The following KCNB2 variants were observed in gnomAD, a reference collection of about 807,000 sequenced individuals.
KCNB2 encodes the protein potassium voltage-gated channel subfamily B member 2.
Under a neutral mutation model 61.5 loss-of-function variants are expected in KCNB2, and 15 were observed. The ratio of observed to expected loss-of-function variants is 0.24; its 90% CI spans 0.16 to 0.38. The LOEUF (loss-of-function observed/expected upper bound fraction) is 0.38, where lower values mean the gene tolerates loss of function less well. Among genes scored for constraint, KCNB2 ranks in the 10% least tolerant of loss-of-function variants. The pLI is 1.00. For synonymous variants in KCNB2, 457 were observed against 446.0 expected (o/e 1.02, Z -0.31); for missense variants, 828 against 1,125.2 (o/e 0.74, Z 3.78).
chr8:72,653,314 C>G (rs1004570409), intron 2 of KCNB2, among the ~76,000 whole-genome samples: 28 of 152,192 alleles, frequency 1.8e-4, no homozygotes, highest in African/African-American at 4.3e-4. Context: ...TATTTTTCAC[C>G]TGGCAGGACT....
chr8:72,556,175 G>A (rs775795782), intron 1 of KCNB2, among the ~76,000 whole-genome samples: 32 of 152,034 alleles, frequency 2.1e-4, no homozygotes, highest in African/African-American at 4.3e-4. Context: ...GATGGAAATC[G>A]ATAAGTTCAT....
intron 2 of KCNB2, among the ~76,000 whole-genome samples, chr8:72,624,324 G>A (rs1230508015): frequency 2.6e-5 from 4 of 152,200 alleles, no homozygotes; most frequent in Non-Finnish European, 2.9e-5. Context: ...AAACATCCTC[G>A]AAGAAGAAGC....
chr8:72,772,220 A>G (rs992639233), intron 2 of KCNB2, among the ~76,000 whole-genome samples: 1 of 152,206 alleles, frequency 6.6e-6, no homozygotes, highest in South Asian at 2.1e-4. Flanking sequence ...CTCGATATAC[A>G]GCAGGTCGTA....
chr8:72,799,831 G>T (rs575752689), intron 2 of KCNB2, among the ~76,000 whole-genome samples: 1 of 152,268 alleles, frequency 6.6e-6, no homozygotes, highest in South Asian at 2.1e-4. Flanking sequence ...AGTCAGAAAG[G>T]CTTCTAGGAA....
chr8:72,668,858 G>A (rs548660955), intron 2 of KCNB2, among the ~76,000 whole-genome samples: 2 of 152,200 alleles, frequency 1.3e-5, no homozygotes, highest in South Asian at 2.1e-4. Context: ...TGTGAGACAT[G>A]ATTGTTATTC....
At chr8:72,788,473 C>G (rs1370439124) in intron 2 of KCNB2, among the ~76,000 whole-genome samples, 1 of 152,090 alleles carries the variant, frequency 6.6e-6, no homozygotes, top group East Asian at 1.9e-4. Flanking sequence ...TCCATTTCAC[C>G]TAATTACCCC....
At chr8:72,776,828 C>T (rs905563983) in intron 2 of KCNB2, among the ~76,000 whole-genome samples, 1 of 152,160 alleles carries the variant, frequency 6.6e-6, no homozygotes, top group Admixed American at 6.5e-5. Flanking sequence ...AGAGAGGAGA[C>T]CTTGCTGCCT....
intron 2 of KCNB2, among the ~76,000 whole-genome samples, chr8:72,736,561 C>G (rs1807849248): frequency 1.3e-5 from 2 of 152,054 alleles, no homozygotes; most frequent in Admixed American, 1.3e-4. Context: ...GACAAGATGC[C>G]ATGTTTGAAG....
chr8:72,935,595 G>A (rs768052791), intron 2 of KCNB2, among the ~76,000 whole-genome samples: 18 of 152,140 alleles, frequency 1.2e-4, no homozygotes, highest in Non-Finnish European at 2.2e-4. Flanking sequence ...AAACCAGGTG[G>A]TTAAGAGAGA....
intron 2 of KCNB2, among the ~76,000 whole-genome samples, chr8:72,613,150 A>G (rs1461465147): frequency 6.6e-6 from 1 of 152,132 alleles, no homozygotes; most frequent in Non-Finnish European, 1.5e-5. Context: ...TTTCCACACT[A>G]TGGCCAGAGA....
chr8:72,796,722 A>AGTTTTG (rs1187566018), intron 2 of KCNB2, among the ~76,000 whole-genome samples: 1 of 152,206 alleles, frequency 6.6e-6, no homozygotes, highest in Non-Finnish European at 1.5e-5. Flanking sequence ...TCAGGGAAAC[A>AGTTTTG]GTTTTGGCCC....
chr8:72,893,568 A>G (rs1805936190), intron 2 of KCNB2, among the ~76,000 whole-genome samples: 2 of 152,176 alleles, frequency 1.3e-5, no homozygotes, highest in African/African-American at 4.8e-5. Flanking sequence ...TTCAATCTCC[A>G]TGTATAGTGC....
At position 72,567,986 on chromosome 8, in the gene KCNB2, G is replaced by T; in HGVS notation, c.252G>T (p.Glu84Asp). ...TGTGCGACGACTATAATCTGAACGA[G>T]AACGAGTATTTCTTTGATCGGCATC... Reference protein sequence around the residue: ...LEVCDDYNLNENEYFFDRHPG... With the variant: ...LEVCDDYNLNDNEYFFDRHPG... The change falls in exon 2 of 3, where the codon GAG (glutamate) becomes GAT (aspartate). Residue 84 changes from glutamate to aspartate, a missense_variant. This residue lies in a region of KCNB2 where 163 missense variants were observed against 314.4 expected (regional missense o/e 0.52). Coordinates refer to ENST00000523207, the MANE Select transcript of KCNB2 (RefSeq NM_004770.3). 6.2e-7 allele frequency: 1 copy of T among 1,614,148 alleles called. No homozygotes were observed. Among genetic ancestry groups the T allele is most frequent in the Non-Finnish European group, 8.5e-7 (1 of 1,180,020 alleles).
chr8:72,648,247 G>A lies in KCNB2; in HGVS notation c.579+79934G>A, dbSNP rs549215105. Among the ~76,000 whole-genome samples, 32 of 152,284 alleles carry A rather than the reference G, an allele frequency of 2.1e-4. No individual in the cohort carries two copies. The South Asian group carries it at 3.3e-3, about 16-fold the overall frequency. On this transcript the variant is annotated intron_variant, in intron 2 of 2. Coordinates refer to ENST00000523207, the MANE Select transcript of KCNB2 (RefSeq NM_004770.3). Reference sequence around the variant, plus strand: ...ATGACAACAAAAAGTTTGATTTTAAGCTGTGCTTTAGGTCTTCTGTGTCAC... The same window carrying A: ...ATGACAACAAAAAGTTTGATTTTAAACTGTGCTTTAGGTCTTCTGTGTCAC...
At chr8:72,677,133 G>T (rs1005650550) in intron 2 of KCNB2, among the ~76,000 whole-genome samples, 1 of 152,104 alleles carries the variant, frequency 6.6e-6, no homozygotes, top group Non-Finnish European at 1.5e-5. Context: ...CTCCTGTGAT[G>T]CTTGGAGTCA....
intron 2 of KCNB2, among the ~76,000 whole-genome samples, chr8:72,634,714 C>T (rs776351235): frequency 6.6e-5 from 10 of 152,076 alleles, no homozygotes; most frequent in African/African-American, 9.7e-5. Context: ...CAACTCAAAC[C>T]TAATTAAAGA....
chr8:72,762,817 G>A (rs577366337), intron 2 of KCNB2, among the ~76,000 whole-genome samples: 2 of 150,950 alleles, frequency 1.3e-5, no homozygotes, highest in East Asian at 3.9e-4. Context: ...GCACTGAAAA[G>A]CTGACTTTGT....
chr8:72,736,638 T>G (rs1340751634), intron 2 of KCNB2, among the ~76,000 whole-genome samples: 1 of 152,152 alleles, frequency 6.6e-6, no homozygotes, highest in Non-Finnish European at 1.5e-5. Flanking sequence ...TCCAGCCAAC[T>G]CTTTCAGCAC....
At chr8:72,872,975 G>A (rs1439957682) in intron 2 of KCNB2, among the ~76,000 whole-genome samples, 1 of 152,140 alleles carries the variant, frequency 6.6e-6, no homozygotes, top group Non-Finnish European at 1.5e-5. Context: ...TCCATGGCTG[G>A]CACAGAGAAG....
Sources: allele counts gnomAD v4.1 joint callset (sites outside exome capture counted in the v4.1 genomes callset), GRCh38; gene constraint gnomAD v4.1.1; regional missense constraint gnomAD v4.1.1; transcripts MANE v1.5; gene names NCBI Gene and HGNC (gene_info 2026-07-23, HGNC 2026-07-21).